The following BYSL variants were observed in gnomAD, a reference collection of about 807,000 sequenced individuals.
The protein encoded by BYSL is bystin like, also known as bystin.
BYSL carries 21 observed loss-of-function variants against 45.4 expected under a neutral mutation model. The ratio of observed to expected loss-of-function variants is 0.46; its 90% CI spans 0.33 to 0.67. The LOEUF (loss-of-function observed/expected upper bound fraction) is 0.67. BYSL is among the 30% of genes least tolerant of loss of function. The pLI is 0.02. For missense variants in BYSL, 522 were observed against 578.5 expected (o/e 0.90, Z 1.00); for synonymous variants, 215 against 231.3 (o/e 0.93, Z 0.64).
rs1386211373 is a variant in BYSL at position 41,932,814 on chromosome 6, C to T, written c.*108C>T. 3 of 1,179,418 alleles carry T rather than the reference C, an allele frequency of 2.5e-6. No individual in the cohort carries two copies. Among genetic ancestry groups the T allele is most frequent in the Non-Finnish European group, 3.5e-6 (3 of 850,954 alleles). The allele number at this position is 1,179,418 out of a possible 1,614,324, so 73.1% of individuals were successfully genotyped here. On this transcript the variant is annotated 3_prime_UTR_variant, in exon 7 of 7. Coordinates refer to ENST00000230340, the MANE Select transcript of BYSL (RefSeq NM_004053.4). This position sits in a 1 kb window ranked among gnomAD's most constrained non-coding sequence, Gnocchi z 4.7. ...TAATGGCTGAAGACCCAGATCAGGGCAGTGACAGATCACAGGGACATCTGT... is the reference window on the plus strand; with the variant it reads ...TAATGGCTGAAGACCCAGATCAGGGTAGTGACAGATCACAGGGACATCTGT...
At position 41,930,434 on chromosome 6, in the gene BYSL, G is replaced by A. The variant is rs1007301358; in HGVS notation, c.570+164G>A. On this transcript the variant is annotated intron_variant, in intron 3 of 6. Transcript: ENST00000230340. ...GTGGGTTCAGATTCCTGCTCTGCCT[G>A]TAAATGACTTGGCATCCTTGGGTCG... is the stretch of plus-strand genomic sequence containing the variant. 19 of 1,231,730 alleles carry A rather than the reference G, an allele frequency of 1.5e-5. No individual in the cohort carries two copies. The African/African-American group carries it at 2.4e-4, about 16-fold the overall frequency. 76.3% of individuals were successfully genotyped at this position (1,231,730 alleles called of 1,614,324 possible).
rs1484031994 is a variant in BYSL at position 41,931,526 on chromosome 6, G to T, written c.835G>T (p.Ala279Ser). The change falls in exon 5 of 7, where the codon GCC (alanine) becomes TCC (serine). Residue 279 changes from alanine to serine, a missense_variant. Transcript: ENST00000230340. ...CCATCTCTACATGGCTCTCAAGAAG[G>T]CCCTTTTCAAACCTGGAGCCTGGTT... Reference protein sequence around the residue: ...NFHLYMALKKALFKPGAWFKG... With the variant: ...NFHLYMALKKSLFKPGAWFKG... The T allele has an allele frequency of 4.3e-6, 7 of 1,614,174 alleles. No individual in the cohort carries two copies. Among genetic ancestry groups the T allele is most frequent in the East Asian group, 2.2e-5 (1 of 44,876 alleles).
chr6:41,917,673 G>GAC (rs1353061602), upstream of BYSL: 1 of 436,632 alleles, frequency 2.3e-6, no homozygotes, highest in African/African-American at 2.0e-5. Context: ...GATTCTAGAT[G>GAC]ACACACGGAC....
At chr6:41,918,458 C>T (rs1348962575), upstream of BYSL, among the ~76,000 whole-genome samples, 3 of 149,452 alleles carry the variant, frequency 2.0e-5, no homozygotes, top group East Asian at 2.0e-4. Context: ...GAGCCAAGAT[C>T]GCACCACTGC....
chr6:41,922,400 ATGAAT>A lies in BYSL; in HGVS notation c.268+575_268+579del, dbSNP rs567899062. On this transcript the variant is annotated intron_variant, in intron 1 of 6. Coordinates refer to ENST00000230340, the MANE Select transcript of BYSL (RefSeq NM_004053.4). ...GTTTAGCAGCCAAAGAGCGAGAGAG[ATGAAT>A]TGAAAGACGTCTGATGTTTTCTCAC... is the stretch of plus-strand genomic sequence containing the variant. 2.6e-5 allele frequency among the ~76,000 whole-genome samples: 4 copies of A among 152,362 alleles called. No homozygotes were observed. The East Asian group carries it at 5.8e-4, about 22-fold the overall frequency.
At position 41,932,742 on chromosome 6, in the gene BYSL, G is replaced by A. The variant is rs1360441903; in HGVS notation, c.*36G>A. The A allele has an allele frequency of 5.7e-6, 9 of 1,568,618 alleles. No individual in the cohort carries two copies. The highest frequency in any genetic ancestry group is 7.8e-6 in the Non-Finnish European group (9 of 1,154,010). ...CAGCTGTCCTGGCCAAAGGGGTTTG[G>A]AAGGACACCAAGACCCCCGTTGGTG... On this transcript the variant is annotated 3_prime_UTR_variant, in exon 7 of 7. Coordinates refer to ENST00000230340, the MANE Select transcript of BYSL (RefSeq NM_004053.4). The surrounding 1 kb of genome is among the most constrained non-coding windows in gnomAD (Gnocchi z 4.7).
At chr6:41,909,549 C>T in the BYSL span, 1 of 1,606,926 alleles carries the variant, frequency 6.2e-7, no homozygotes, top group African/African-American at 1.3e-5. Context: ...TCCTATTCAT[C>T]ATCAAGACTT....
In BYSL at chr6:41,921,745, A is replaced by C; in HGVS notation, c.183A>C (p.Gln61His). The C allele has an allele frequency of 6.2e-7, 1 of 1,613,626 alleles. No homozygotes were observed. Among genetic ancestry groups the C allele is most frequent in the Non-Finnish European group, 8.5e-7 (1 of 1,179,916 alleles). Residue 61 changes from glutamine (Q) to histidine (H), a missense_variant, in exon 1 of 7, where the codon CAA (glutamine) becomes CAC (histidine). Physicochemically the swap from Gln to His is conservative, Grantham distance 24. Coordinates refer to ENST00000230340, the MANE Select transcript of BYSL (RefSeq NM_004053.4). ...GGCTGAGCCGACGGATTTTGCAGCA[A>C]GCACGGCAGCAACAGGAGGAACTCG... Reference protein sequence around the residue: ...GPRLSRRILQQARQQQEELEA... With the variant: ...GPRLSRRILQHARQQQEELEA...
upstream of BYSL, chr6:41,920,796 A>T: frequency 1.9e-6 from 1 of 522,768 alleles, no homozygotes; most frequent in Non-Finnish European, 3.2e-6. Flanking sequence ...AACAAAAAAA[A>T]AACCTTTGCT....
chr6:41,931,126 A>AGT (rs746740391), intron 4 of BYSL, among the ~76,000 whole-genome samples: 1 of 151,184 alleles, frequency 6.6e-6, no homozygotes, highest in African/African-American at 2.4e-5. Flanking sequence ...GGGCTACTCA[A>AGT]CTGATGCTGA....
At chr6:41,915,632 A>C in the BYSL span, among the ~76,000 whole-genome samples, 2 of 151,706 alleles carry the variant, frequency 1.3e-5, no homozygotes, top group African/African-American at 2.4e-5. Context: ...CTAAAAATAC[A>C]AAAAATTAGC....
intron 6 of BYSL, 32 bp downstream of exon 6, chr6:41,931,862 C>G (rs13213306): frequency 6.4e-6 from 10 of 1,569,794 alleles, no homozygotes; most frequent in Non-Finnish European, 7.9e-6. Flanking sequence ...GGGGGCTGGT[C>G]AGTGGATATC....
At chr6:41,921,220 A>G (rs748206043), upstream of BYSL, 2 of 689,108 alleles carry the variant, frequency 2.9e-6, no homozygotes, top group Non-Finnish European at 4.8e-6. Context: ...CTCCACTGAC[A>G]TCATCTGCGG....
Position 41,932,705 on chromosome 6 carries a change from G to A in BYSL, c.1313G>A (p.Ter438=), listed in dbSNP as rs148295260. Residue 438 remains the stop codon, a stop_retained_variant, in exon 7 of 7, where the codon TGA becomes TAA. Coordinates refer to ENST00000230340, the MANE Select transcript of BYSL (RefSeq NM_004053.4). This position sits in a 1 kb window ranked among gnomAD's most constrained non-coding sequence, Gnocchi z 4.7. ...GAAGATGTTCCCATCACCGTGGAGTGAGGAAAACAGTCAGCTGTCCTGGCC... is the reference window on the plus strand; with the variant it reads ...GAAGATGTTCCCATCACCGTGGAGTAAGGAAAACAGTCAGCTGTCCTGGCC... ...DVEDVPITVE[*] 2 of 1,603,182 alleles carry A rather than the reference G, an allele frequency of 1.2e-6. No homozygotes were observed. The highest frequency in any genetic ancestry group is 1.3e-5 in the African/African-American group (1 of 74,860).
intron 2 of BYSL, 161 bp downstream of exon 2, chr6:41,927,697 G>A: frequency 2.6e-6 from 2 of 781,264 alleles, no homozygotes; most frequent in Non-Finnish European, 4.0e-6. Context: ...AAGGACCACT[G>A]TGAGTAGGAA....
upstream of BYSL, chr6:41,921,103 A>G (rs1582068059): frequency 6.4e-7 from 1 of 1,553,206 alleles, no homozygotes; most frequent in African/African-American, 1.4e-5. Flanking sequence ...CAGTTCCCCA[A>G]CACAACCTTC....
chr6:41,932,697 C>G lies in BYSL; in HGVS notation c.1305C>G (p.Thr435=). The G allele has an allele frequency of 6.2e-7, 1 of 1,606,526 alleles. No individual in the cohort carries two copies. Among genetic ancestry groups the G allele is most frequent in the Non-Finnish European group, 8.5e-7 (1 of 1,174,442 alleles). ...GCGATGTGGAAGATGTTCCCATCAC[C>G]GTGGAGTGAGGAAAACAGTCAGCTG... ...VPRDVEDVPI[T]VE is the part of the protein sequence containing the mutation. The change falls in exon 7 of 7, where the codon ACC becomes ACG. Residue 435 remains threonine, a synonymous_variant. Coordinates refer to ENST00000230340, the MANE Select transcript of BYSL (RefSeq NM_004053.4). The surrounding 1 kb of genome is among the most constrained non-coding windows in gnomAD (Gnocchi z 4.7).
chr6:41,923,162 GTCTCTC>G (rs368767105), intron 1 of BYSL, among the ~76,000 whole-genome samples: 1 of 149,206 alleles, frequency 6.7e-6, no homozygotes, highest in African/African-American at 2.5e-5. Context: ...TTGAGACAGA[GTCTCTC>G]TCTCTCTCTG....
chr6:41,916,243 C>T, the BYSL span, among the ~76,000 whole-genome samples: 49 of 148,250 alleles, frequency 3.3e-4, no homozygotes, highest in Non-Finnish European at 6.2e-4. Context: ...TGAGCAAAAC[C>T]CTATCTCAAA....
Sources: gnomAD v4.1 joint callset for allele counts (sites outside exome capture counted in the v4.1 genomes callset) on GRCh38, gnomAD v4.1.1 for gene constraint, Gnocchi (gnomAD v3.1) non-coding constraint, MANE v1.5 for transcripts, NCBI Gene and HGNC (gene_info 2026-07-23, HGNC 2026-07-21) for gene names.